MID1: variants seen among roughly 807,000 people sequenced by gnomAD.
The protein encoded by MID1 is E3 ubiquitin-protein ligase Midline-1.
Under a neutral mutation model 40.4 loss-of-function variants are expected in MID1, and 7 were observed. The ratio of observed to expected loss-of-function variants is 0.17; its 90% CI spans 0.10 to 0.33. The LOEUF (loss-of-function observed/expected upper bound fraction) is 0.33, where lower values mean the gene tolerates loss of function less well. MID1 is among the 10% of genes least tolerant of loss of function. The pLI, the probability that MID1 is intolerant of heterozygous loss-of-function variation, is 1.00. For missense variants in MID1, 367 were observed against 558.5 expected, an observed-to-expected ratio of 0.66 and a Z score of 3.46; for synonymous variants, 229 against 221.2, an observed-to-expected ratio of 1.04 and a Z score of -0.31.
chrX:10,719,234 T>C (rs1236072535), intron 1 of MID1, among the ~76,000 whole-genome samples: 53 of 97,871 alleles, frequency 5.4e-4, no homozygotes, highest in African/African-American at 9.1e-4. Flanking sequence ...GGGTATTCAA[T>C]TAGGAAAAGA....
At chrX:10,686,520 A>G (rs2043099026) in intron 1 of MID1, among the ~76,000 whole-genome samples, 1 of 112,067 alleles carries the variant, frequency 8.9e-6, no homozygotes, top group African/African-American at 3.2e-5. Context: ...CTTTTCTCCT[A>G]TTAATCTGCC....
chrX:10,796,557 C>T (rs1037172792), intron 1 of MID1, among the ~76,000 whole-genome samples: 1 of 109,184 alleles, frequency 9.2e-6, no homozygotes, highest in East Asian at 2.9e-4. Flanking sequence ...TTGCTTTATA[C>T]CCTCTACTAG....
chrX:10,635,265 C>A (rs1448902854), intron 1 of MID1, among the ~76,000 whole-genome samples: 1 of 111,830 alleles, frequency 8.9e-6, no homozygotes, highest in Non-Finnish European at 1.9e-5. Flanking sequence ...AAAATATAAA[C>A]CCACATGTAT....
intron 1 of MID1, among the ~76,000 whole-genome samples, chrX:10,617,087 T>TA (rs974422437): frequency 1.8e-5 from 2 of 112,116 alleles, no homozygotes; most frequent in African/African-American, 6.5e-5. Flanking sequence ...AAGAATGTCG[T>TA]AAGAGAGATT....
intron 2 of MID1, among the ~76,000 whole-genome samples, chrX:10,543,432 T>G (rs1236775396): frequency 8.9e-6 from 1 of 111,888 alleles, no homozygotes; most frequent in Non-Finnish European, 1.9e-5. Flanking sequence ...GCAGTAACAA[T>G]AGCAGCTACC....
At chrX:10,531,896 T>C (rs140326281) in intron 2 of MID1, among the ~76,000 whole-genome samples, 3,128 of 111,982 alleles carry the variant, frequency 0.028, 40 homozygotes, top group South Asian at 0.052. Context: ...TAAATACATT[T>C]GTTGGTTTTG....
At position 10,509,188 on chromosome X, in the gene MID1, G is replaced by T. The variant is rs567663057; in HGVS notation, c.757-13497C>A. Among the ~76,000 whole-genome samples, 15 of 111,579 alleles carry T rather than the reference G, an allele frequency of 1.3e-4. No homozygotes were observed. The East Asian group carries it at 3.7e-3, about 27-fold the overall frequency. On this transcript the variant is annotated intron_variant, in intron 3 of 9. Coordinates refer to ENST00000317552, the MANE Select transcript of MID1 (RefSeq NM_000381.4). ...AGCTAATCTGATCTGGAAGAGAAAAGGAAAGATCACAGCATTTAGATGTCT... is the reference window on the plus strand; with the variant it reads ...AGCTAATCTGATCTGGAAGAGAAAATGAAAGATCACAGCATTTAGATGTCT...
intron 1 of MID1, among the ~76,000 whole-genome samples, chrX:10,572,424 G>A (rs1419508280): frequency 3.7e-5 from 4 of 109,469 alleles, no homozygotes; most frequent in Admixed American, 9.8e-5. Context: ...GGTGGCGTGC[G>A]CCTGTGATTC....
chrX:10,562,231 C>T lies in MID1; in HGVS notation c.660+4657G>A, dbSNP rs1465144755. On this transcript the variant is annotated intron_variant, in intron 2 of 9. Coordinates refer to ENST00000317552, the MANE Select transcript of MID1 (RefSeq NM_000381.4). ...ACTGGGGCCTGTCAGGGTTGTGGGG[C>T]GAGCGGGGGAGAGCATTAGGACAAA... 3.9e-5 allele frequency among the ~76,000 whole-genome samples: 4 copies of T among 103,107 alleles called. 1 individual carries two copies. The highest frequency in any genetic ancestry group is 1.6e-4 in the African/African-American group (4 of 25,256). 89.5% of individuals were successfully genotyped at this position (103,107 alleles called of 115,157 possible). A position where few individuals can be genotyped will look rare whatever the true frequency, so the allele number is the denominator to read the frequency against.
intron 1 of MID1, among the ~76,000 whole-genome samples, chrX:10,680,416 C>T (rs914076116): frequency 9.0e-6 from 1 of 111,702 alleles, no homozygotes; most frequent in African/African-American, 3.3e-5. Context: ...CCTCAAAATT[C>T]GTGTTTGCAT....
At chrX:10,701,328 G>A (rs1247847967) in intron 1 of MID1, among the ~76,000 whole-genome samples, 1 of 111,892 alleles carries the variant, frequency 8.9e-6, no homozygotes, top group Non-Finnish European at 1.9e-5. Flanking sequence ...AAACTTTGAC[G>A]TATACACAAT....
intron 1 of MID1, among the ~76,000 whole-genome samples, chrX:10,771,163 C>G (rs1303311259): frequency 9.1e-6 from 1 of 110,196 alleles, no homozygotes; most frequent in Non-Finnish European, 1.9e-5. Context: ...GGATTTCTAC[C>G]TAGCTTTCAG....
At chrX:10,804,899 G>A (rs766828100) in intron 1 of MID1, among the ~76,000 whole-genome samples, 6 of 110,982 alleles carry the variant, frequency 5.4e-5, no homozygotes, top group African/African-American at 2.0e-4. Context: ...ACTTTCATAT[G>A]TCCAAAGTGT....
At position 10,645,966 on chromosome X, in the gene MID1, A is replaced by C. The variant is rs182190657; in HGVS notation, c.-186-25547T>G. Among the ~76,000 whole-genome samples, 554 of 111,374 alleles carry C rather than the reference A, an allele frequency of 5.0e-3. 7 individuals are homozygous for C. The highest frequency in any genetic ancestry group is 0.016 in the African/African-American group (497 of 30,658). On this transcript the variant is annotated intron_variant, in intron 1 of 10. Transcript: ENST00000380785. ...GGGGAGTTCTGAGACAGATTTGATA[A>C]GCTCCTCAGAACACTCCCTGGGATG...
chrX:10,465,683 C>G (rs1423203370), intron 7 of MID1, among the ~76,000 whole-genome samples: 1 of 110,832 alleles, frequency 9.0e-6, no homozygotes. Flanking sequence ...ACGAAGCAAG[C>G]TGCCATGAAT....
At chrX:10,558,075 A>AAAC (rs1003321479) in intron 2 of MID1, among the ~76,000 whole-genome samples, 6 of 110,287 alleles carry the variant, frequency 5.4e-5, no homozygotes, top group African/African-American at 2.0e-4. Flanking sequence ...TAAAAAAAAA[A>AAAC]AAAAAACACT....
intron 1 of MID1, among the ~76,000 whole-genome samples, chrX:10,697,006 C>G (rs2043167066): frequency 8.9e-6 from 1 of 112,110 alleles, no homozygotes; most frequent in African/African-American, 3.2e-5. Context: ...GAAATCTTTA[C>G]TTTCTTATAC....
At chrX:10,720,654 G>T (rs1419918382) in intron 1 of MID1, among the ~76,000 whole-genome samples, 14 of 111,850 alleles carry the variant, frequency 1.3e-4, no homozygotes, top group South Asian at 3.8e-4. Context: ...TCCTCAGGGA[G>T]CTAGAACTAG....
intron 2 of MID1, among the ~76,000 whole-genome samples, chrX:10,535,151 T>C (rs1217795318): frequency 9.0e-6 from 1 of 111,668 alleles, no homozygotes; most frequent in Non-Finnish European, 1.9e-5. Flanking sequence ...CACATGGCAA[T>C]CACCTGGATC....
Sources: allele counts gnomAD v4.1 joint callset (sites outside exome capture counted in the v4.1 genomes callset), GRCh38; gene constraint gnomAD v4.1.1; transcripts MANE v1.5; gene names NCBI Gene and HGNC (gene_info 2026-07-23, HGNC 2026-07-21).